Variants in ACTR3C observed in about 807,000 individuals in gnomAD.
ACTR3C encodes actin-related protein 3C.
In ACTR3C, 18 loss-of-function variants were observed where a neutral mutation model predicts 26.3. The observed-to-expected ratio is 0.68, with a 90% CI of 0.47 to 1.01. ACTR3C has a LOEUF of 1.01. Among genes scored for constraint, ACTR3C ranks in the 50% least tolerant of loss-of-function variants. ACTR3C has a pLI of 0.00. For missense variants in ACTR3C, 184 were observed against 250.7 expected, an observed-to-expected ratio of 0.73 and a Z score of 1.80; for synonymous variants, 55 against 94.5, an observed-to-expected ratio of 0.58 and a Z score of 2.42.
At chr7:150,049,948 G>A in the ACTR3C span, among the ~76,000 whole-genome samples, 1 of 152,320 alleles carries the variant, frequency 6.6e-6, no homozygotes, top group South Asian at 2.1e-4. Context: ...GGCCAGGCAG[G>A]TGGGTCTGGG....
the ACTR3C span, chr7:150,001,435 A>T: frequency 2.6e-5 from 4 of 152,296 alleles, no homozygotes; most frequent in African/African-American, 9.6e-5. Context: ...ACGTTGTCAC[A>T]GTTACAGTAG....
At chr7:150,018,899 A>T in the ACTR3C span, among the ~76,000 whole-genome samples, 1 of 124,576 alleles carries the variant, frequency 8.0e-6, no homozygotes, top group Non-Finnish European at 1.7e-5. Context: ...TGAGTTTAGC[A>T]ATGCCTTAAA....
intron 6 of ACTR3C, among the ~76,000 whole-genome samples, chr7:150,276,246 T>C (rs1291227300): frequency 4.6e-5 from 7 of 152,116 alleles, no homozygotes; most frequent in Non-Finnish European, 7.3e-5. Flanking sequence ...CCTGTAATAC[T>C]AAGAGGCTCT....
At chr7:149,933,707 C>A in the ACTR3C span, among the ~76,000 whole-genome samples, 10 of 152,220 alleles carry the variant, frequency 6.6e-5, no homozygotes, top group East Asian at 1.9e-3. Flanking sequence ...ACACTAGCAA[C>A]GCATAAATTC....
chr7:150,069,892 G>A, the ACTR3C span, among the ~76,000 whole-genome samples: 1 of 151,438 alleles, frequency 6.6e-6, no homozygotes, highest in African/African-American at 2.5e-5. Context: ...GGACTTCTGC[G>A]GGGAAGGTTT....
the ACTR3C span, among the ~76,000 whole-genome samples, chr7:150,037,627 G>A: frequency 2.2e-5 from 2 of 91,764 alleles, no homozygotes; most frequent in African/African-American, 9.8e-5. Context: ...ACCTGCCGTC[G>A]GAAGATTTGA....
Position 150,247,509 on chromosome 7 carries a change from T to C in ACTR3C, c.*99A>G, listed in dbSNP as rs905419880. 9 of 140,312 alleles carry C rather than the reference T, an allele frequency of 6.4e-5. No homozygotes were observed. Among genetic ancestry groups the C allele is most frequent in the African/African-American group, 2.2e-4 (8 of 36,932 alleles). 8.7% of individuals were successfully genotyped at this position (140,312 alleles called of 1,614,324 possible). On this transcript the variant is annotated 3_prime_UTR_variant, in exon 8 of 8. Coordinates refer to ENST00000683684, the MANE Select transcript of ACTR3C (RefSeq NM_001164458.2). Reference sequence around the variant, plus strand: ...AAACAATTGATATGAGAGTTTTTCTTGAGAATGAATTTTTATACAAAGAAA... The same window carrying C: ...AAACAATTGATATGAGAGTTTTTCTCGAGAATGAATTTTTATACAAAGAAA...
the ACTR3C span, among the ~76,000 whole-genome samples, chr7:149,963,899 A>AT: frequency 1.3e-5 from 2 of 152,238 alleles, no homozygotes; most frequent in Admixed American, 6.5e-5. Flanking sequence ...ATGTTTATGT[A>AT]TATCACTGCT....
At chr7:150,102,270 A>G in the ACTR3C span, among the ~76,000 whole-genome samples, 1 of 151,778 alleles carries the variant, frequency 6.6e-6, no homozygotes. Context: ...TACAACCTAA[A>G]GATAGGATGT....
At chr7:150,220,653 G>T in the ACTR3C span, among the ~76,000 whole-genome samples, 1 of 151,904 alleles carries the variant, frequency 6.6e-6, no homozygotes, top group African/African-American at 2.4e-5. Context: ...CTCCAAGGAG[G>T]TGTGTGTGGG....
the ACTR3C span, among the ~76,000 whole-genome samples, chr7:150,177,359 TGAA>T: frequency 2.0e-5 from 3 of 150,776 alleles, no homozygotes; most frequent in South Asian, 2.1e-4. Context: ...AGTTGACCTT[TGAA>T]GAAGATTATA....
At chr7:150,124,982 C>T in the ACTR3C span, among the ~76,000 whole-genome samples, 64,883 of 152,004 alleles carry the variant, frequency 0.43, 14,040 homozygotes, top group African/African-American at 0.49. Flanking sequence ...CATTGAGTGA[C>T]GGCTAGAGCC....
the ACTR3C span, among the ~76,000 whole-genome samples, chr7:150,101,287 A>G: frequency 1.5e-3 from 222 of 151,854 alleles, 1 homozygote; most frequent in Non-Finnish European, 2.5e-3. Context: ...ATAAGATATG[A>G]GAAACAAGTT....
At chr7:150,086,785 C>A in the ACTR3C span, among the ~76,000 whole-genome samples, 1 of 152,160 alleles carries the variant, frequency 6.6e-6, no homozygotes, top group Non-Finnish European at 1.5e-5. Context: ...GAGGCTCAGA[C>A]TTCCTAAGGC....
chr7:150,246,442 G>C (rs1057172483), downstream of ACTR3C: 4 of 152,182 alleles, frequency 2.6e-5, no homozygotes, highest in Admixed American at 1.3e-4. Flanking sequence ...TGCTGTCAGA[G>C]CTACCCCGTC....
the ACTR3C span, among the ~76,000 whole-genome samples, chr7:150,057,118 CAT>C: frequency 5.3e-5 from 8 of 152,090 alleles, no homozygotes; most frequent in Non-Finnish European, 8.8e-5. Flanking sequence ...TATCAAATAA[CAT>C]AGAATTATCC....
chr7:150,250,449 C>T lies in ACTR3C; in HGVS notation c.565-1395G>A, dbSNP rs541046301. On this transcript the variant is annotated intron_variant, in intron 6 of 7. Coordinates refer to ENST00000683684, the MANE Select transcript of ACTR3C (RefSeq NM_001164458.2). ...TGACCTCCTGACCTCGTGATCCGCC[C>T]GCCTCGGCCTCCCAAAGTGCTGGGA... Among the ~76,000 whole-genome samples the T allele has an allele frequency of 1.7e-4, 26 of 151,860 alleles. No homozygotes were observed. In the South Asian group the frequency reaches 4.8e-3, roughly 28 times the overall value.
At chr7:150,199,954 G>A in the ACTR3C span, among the ~76,000 whole-genome samples, 2 of 152,132 alleles carry the variant, frequency 1.3e-5, no homozygotes, top group Non-Finnish European at 2.9e-5. Flanking sequence ...TGGACACCAT[G>A]ATCTCATGTA....
At chr7:150,185,254 A>G in the ACTR3C span, among the ~76,000 whole-genome samples, 1 of 150,040 alleles carries the variant, frequency 6.7e-6, no homozygotes, top group Non-Finnish European at 1.5e-5. Flanking sequence ...TGTAGATTGA[A>G]TAGTCAATAT....
Sources: gnomAD v4.1 joint callset for allele counts (sites outside exome capture counted in the v4.1 genomes callset) on GRCh38, gnomAD v4.1.1 for gene constraint, MANE v1.5 for transcripts, NCBI Gene and HGNC (gene_info 2026-07-23, HGNC 2026-07-21) for gene names.